Variants in CPEB1 observed in about 807,000 individuals in gnomAD.
CPEB1 encodes cytoplasmic polyadenylation element binding protein 1.
A neutral mutation model predicts 65.8 loss-of-function variants in CPEB1; 7 were observed. That is an observed-to-expected ratio of 0.11 (90% CI 0.06 to 0.20). CPEB1 has a LOEUF of 0.20. Ranked by LOEUF, CPEB1 falls within the 10% of genes least tolerant of loss-of-function variation. CPEB1 has a pLI of 1.00. For missense variants in CPEB1, 551 were observed against 712.2 expected (o/e 0.77, Z 2.58); for synonymous variants, 262 against 260.0 (o/e 1.01, Z -0.08).
At chr15:82,549,304 T>C (rs2035831964) in intron 10 of CPEB1, among the ~76,000 whole-genome samples, 156 bp downstream of exon 10, 1 of 152,144 alleles carries the variant, frequency 6.6e-6, no homozygotes, top group South Asian at 2.1e-4. Context: ...GGGCCAGTAC[T>C]CGTGACTTGT....
chr15:82,602,771 G>A (rs765550515), intron 3 of CPEB1, among the ~76,000 whole-genome samples: 9 of 152,052 alleles, frequency 5.9e-5, no homozygotes, highest in Non-Finnish European at 1.0e-4. Context: ...GCTTGAACCC[G>A]GGAGGCGGAG....
In CPEB1 at chr15:82,620,424, C is replaced by CAA. The variant is rs143850979; in HGVS notation, c.271+6767_271+6768dup. Among the ~76,000 whole-genome samples the CAA allele has an allele frequency of 8.4e-3, 1,170 of 139,208 alleles. 13 individuals are homozygous for CAA. Among genetic ancestry groups the CAA allele is most frequent in the African/African-American group, 0.026 (936 of 35,992 alleles). 91.3% of individuals were successfully genotyped at this position (139,208 alleles called of 152,430 possible). The stretch of plus-strand genomic sequence containing the variant: ...TGGGCGACAGAGCAAGACTCTGTCT[C>CAA]AAAAAGAAAAAAAAAGTGTACATAT... On this transcript the variant is annotated intron_variant, in intron 3 of 12. Coordinates refer to ENST00000684509, the MANE Select transcript of CPEB1 (RefSeq NM_001365242.1).
At chr15:82,592,199 G>GTA (rs1567206782) in intron 3 of CPEB1, among the ~76,000 whole-genome samples, 2 of 152,038 alleles carry the variant, frequency 1.3e-5, no homozygotes, top group Non-Finnish European at 2.9e-5. Context: ...ATATATATGG[G>GTA]TATACCCTGG....
chr15:82,581,868 G>T (rs2041313923), intron 3 of CPEB1, among the ~76,000 whole-genome samples: 1 of 152,168 alleles, frequency 6.6e-6, no homozygotes, highest in African/African-American at 2.4e-5. Flanking sequence ...TGGTCCCATA[G>T]GTAAGTATCT....
At chr15:82,570,932 C>T (rs541241898) in intron 4 of CPEB1, among the ~76,000 whole-genome samples, 1 of 152,304 alleles carries the variant, frequency 6.6e-6, no homozygotes, top group Admixed American at 6.5e-5. Flanking sequence ...TTTAAAACCA[C>T]TGAGTAATTC....
chr15:82,627,057 A>G (rs1245594244), intron 3 of CPEB1, 136 bp downstream of exon 3: 6 of 644,320 alleles, frequency 9.3e-6, no homozygotes, highest in Non-Finnish European at 1.5e-5. Flanking sequence ...CATAAACTAA[A>G]CCACAAAAAG....
chr15:82,549,732 G>A (rs1388688748), intron 9 of CPEB1, 74 bp from the exon 10 acceptor site: 13 of 1,392,924 alleles, frequency 9.3e-6, no homozygotes, highest in South Asian at 3.6e-5. Flanking sequence ...GGCAAGGTAC[G>A]TGCTCTGGAG....
intron 3 of CPEB1, among the ~76,000 whole-genome samples, chr15:82,622,751 C>G (rs2045419414): frequency 6.6e-6 from 1 of 152,196 alleles, no homozygotes; most frequent in Non-Finnish European, 1.5e-5. Context: ...AGTCAGCTGT[C>G]TAACCAGGGG....
At chr15:82,600,243 G>A (rs1182363858) in intron 3 of CPEB1, among the ~76,000 whole-genome samples, 2 of 152,164 alleles carry the variant, frequency 1.3e-5, no homozygotes, top group African/African-American at 4.8e-5. Flanking sequence ...GCCTGAACAT[G>A]TTCAGTATAT....
chr15:82,635,846 G>A (rs916841905), intron 1 of CPEB1, among the ~76,000 whole-genome samples: 14 of 152,128 alleles, frequency 9.2e-5, no homozygotes, highest in Admixed American at 3.3e-4. Flanking sequence ...CAATAAGCAG[G>A]CATGAGAAAA....
chr15:82,554,070 C>G (rs914045370), intron 6 of CPEB1, 79 bp from the exon 7 acceptor site: 2 of 784,948 alleles, frequency 2.5e-6, no homozygotes, highest in Non-Finnish European at 4.1e-6. Flanking sequence ...GTGAACTTGT[C>G]CAGTAAGAAC....
At chr15:82,547,877 T>C (rs2035539047) in intron 10 of CPEB1, among the ~76,000 whole-genome samples, 1 of 152,008 alleles carries the variant, frequency 6.6e-6, no homozygotes, top group Non-Finnish European at 1.5e-5. Context: ...TTCACCATAT[T>C]GTCCAGGCTG....
chr15:82,614,418 G>A (rs1271047589), intron 3 of CPEB1, among the ~76,000 whole-genome samples: 2 of 151,984 alleles, frequency 1.3e-5, no homozygotes, highest in Admixed American at 1.3e-4. Flanking sequence ...TTAACAATTT[G>A]GAAAAGTCCA....
chr15:82,575,742 G>A (rs950414493), intron 3 of CPEB1, among the ~76,000 whole-genome samples: 1 of 152,028 alleles, frequency 6.6e-6, no homozygotes, highest in Admixed American at 6.6e-5. Flanking sequence ...AGACACTACT[G>A]CACACCTACT....
At chr15:82,647,510 T>G (rs2047675868), upstream of CPEB1, 1 of 236,066 alleles carries the variant, frequency 4.2e-6, no homozygotes, top group Non-Finnish European at 8.2e-6. Context: ...AAAGAAACGT[T>G]CCGGGCGCCG....
At chr15:82,614,952 T>C (rs1002878372) in intron 3 of CPEB1, among the ~76,000 whole-genome samples, 2 of 152,066 alleles carry the variant, frequency 1.3e-5, no homozygotes, top group African/African-American at 4.8e-5. Context: ...ACAATCACTA[T>C]CACCATTTAG....
chr15:82,569,935 A>C (rs746662189), intron 4 of CPEB1, among the ~76,000 whole-genome samples: 3 of 152,126 alleles, frequency 2.0e-5, no homozygotes, highest in African/African-American at 4.8e-5. Flanking sequence ...ACACAAAACA[A>C]AGTACCGTGG....
chr15:82,611,428 C>T, intron 3 of CPEB1, among the ~76,000 whole-genome samples: 1 of 151,814 alleles, frequency 6.6e-6, no homozygotes, highest in East Asian at 1.9e-4. Flanking sequence ...AAAAAAATCC[C>T]CAATTCATGC....
intron 5 of CPEB1, chr15:82,557,454 C>T (rs1203430867): frequency 2.9e-6 from 1 of 344,466 alleles, no homozygotes; most frequent in Non-Finnish European, 5.2e-6. Context: ...AAACAGAACA[C>T]TGCCAGGGCC....
Sources: allele counts gnomAD v4.1 joint callset (sites outside exome capture counted in the v4.1 genomes callset), GRCh38; gene constraint gnomAD v4.1.1; transcripts MANE v1.5; gene names NCBI Gene and HGNC (gene_info 2026-07-23, HGNC 2026-07-21).